Variants in KIF23 observed in about 807,000 individuals in gnomAD.
The protein encoded by KIF23 is kinesin family member 23, also known as kinesin-like protein KIF23.
KIF23 carries 30 observed loss-of-function variants against 137.5 expected under a neutral mutation model. The observed-to-expected ratio is 0.22, with a 90% CI of 0.16 to 0.30. KIF23 has a LOEUF of 0.30. Among genes scored for constraint, KIF23 ranks in the 10% least tolerant of loss-of-function variants. The pLI is 1.00. For missense variants in KIF23, 920 were observed against 1,194.3 expected, an observed-to-expected ratio of 0.77 and a Z score of 3.38; for synonymous variants, 367 against 391.1, an observed-to-expected ratio of 0.94 and a Z score of 0.73.
Position 69,439,924 on chromosome 15 carries a change from A to G in KIF23, c.1776A>G (p.Thr592=), listed in dbSNP as rs2057572921. ...LEYKIEILEK[T]TTIYEEDKRN... is the part of the protein sequence containing the mutation. ...CCTAGATTGAGATTTTAGAGAAAAC[A>G]ACTACTATCTATGAGGAAGATAAAC... The change falls in exon 17 of 24, where the codon ACA becomes ACG. Residue 592 remains threonine (T), a synonymous_variant. Transcript: ENST00000679126. 6.2e-7 allele frequency: 1 copy of G among 1,613,036 alleles called. No homozygotes were observed. Among genetic ancestry groups the G allele is most frequent in the Non-Finnish European group, 8.5e-7 (1 of 1,179,620 alleles).
intron 14 of KIF23, 24 bp from the exon 15 acceptor site, chr15:69,436,540 G>T: frequency 6.3e-7 from 1 of 1,575,024 alleles, no homozygotes; most frequent in Non-Finnish European, 8.6e-7. Context: ...GTAACTTTTT[G>T]TAATTTTCTA....
chr15:69,426,804 G>A (rs2057205161), intron 10 of KIF23: 1 of 225,538 alleles, frequency 4.4e-6, no homozygotes, highest in Non-Finnish European at 8.8e-6. Flanking sequence ...GTATCTGTGA[G>A]TTCTACATCT....
At chr15:69,422,979 A>C (rs2057096460) in intron 6 of KIF23, 180 bp from the exon 7 acceptor site, 1 of 459,112 alleles carries the variant, frequency 2.2e-6, no homozygotes, top group Non-Finnish European at 3.8e-6. Context: ...TTGTATTTTT[A>C]GTAGAGACGG....
chr15:69,427,876 A>G (rs2057243563), intron 10 of KIF23, among the ~76,000 whole-genome samples: 1 of 152,196 alleles, frequency 6.6e-6, no homozygotes, highest in South Asian at 2.1e-4. Context: ...CCTCCTTATA[A>G]GGTTGTGAGA....
chr15:69,446,118 T>TA, intron 21 of KIF23, 27 bp downstream of exon 21: 6 of 1,590,368 alleles, frequency 3.8e-6, no homozygotes, highest in Non-Finnish European at 5.2e-6. Context: ...AATCTCTGTA[T>TA]AAAAGTTGGT....
intron 13 of KIF23, 148 bp from the exon 14 acceptor site, chr15:69,435,990 G>A (rs2057468281): frequency 3.4e-6 from 4 of 1,173,126 alleles, no homozygotes; most frequent in Middle Eastern, 2.8e-4. Flanking sequence ...GGTCGAAGCT[G>A]CAGTGAGTCG....
chr15:69,444,632 G>A lies in KIF23; in HGVS notation c.2422-158G>A, dbSNP rs2057703383. 4 of 697,012 alleles carry A rather than the reference G, an allele frequency of 5.7e-6. No homozygotes were observed. Among genetic ancestry groups the A allele is most frequent in the Admixed American group, 6.4e-5 (2 of 31,372 alleles). The allele number at this position is 697,012 out of a possible 1,614,324, so 43.2% of individuals were successfully genotyped here. A position where few individuals can be genotyped will look rare whatever the true frequency, so the allele number is the denominator to read the frequency against. On this transcript the variant is annotated intron_variant, in intron 19 of 23. Transcript: ENST00000679126. The surrounding 1 kb of genome is among the most constrained non-coding windows in gnomAD (Gnocchi z 4.2). ...AAGTTGGTGTTAAAGATGTTTGTTG[G>A]TTTTGTGTTTAAATGCAAAGATCAT...
Position 69,447,987 on chromosome 15 carries a change from AG to A in KIF23, c.*181del. 1 of 471,490 alleles carries A rather than the reference AG, an allele frequency of 2.1e-6. No individual in the cohort carries two copies. Among genetic ancestry groups the A allele is most frequent in the Non-Finnish European group, 3.8e-6 (1 of 263,646 alleles). The allele number at this position is 471,490 out of a possible 1,614,324, so 29.2% of individuals were successfully genotyped here. ...TTTCCCTATGGTTCCAAAGACAACTAGTATTCAACAAACCTTGTATAGTATA... is the reference window on the plus strand; with the variant it reads ...TTTCCCTATGGTTCCAAAGACAACTATATTCAACAAACCTTGTATAGTATA... On this transcript the variant is annotated 3_prime_UTR_variant, in exon 24 of 24. Transcript: ENST00000679126.
At chr15:69,419,042 AG>A (rs2140315453) in intron 3 of KIF23, among the ~76,000 whole-genome samples, 1 of 152,282 alleles carries the variant, frequency 6.6e-6, no homozygotes, top group South Asian at 2.1e-4. Context: ...ACTTGAACCC[AG>A]GAGGCGGAGG....
intron 22 of KIF23, 134 bp downstream of exon 22, chr15:69,446,498 C>T: frequency 1.5e-6 from 1 of 675,422 alleles, no homozygotes; most frequent in East Asian, 2.7e-5. Flanking sequence ...CCATGTAGGC[C>T]TATTCCTAGA....
At position 69,444,791 on chromosome 15, in the gene KIF23, T is replaced by C; in HGVS notation, c.2423T>C (p.Leu808Ser). ...IEIEEDHCGRLLFQPDQNAPP... is the reference protein window; with the variant it reads ...IEIEEDHCGRSLFQPDQNAPP... ...TTCTGGGTTATGCTTGTTTCTCAGT[T>C]ACTCTTTCAACCTGATCAGAACGCA... The change falls in exon 20 of 24, where the codon TTA becomes TCA. Residue 808 changes from leucine to serine, a missense_variant and splice_region_variant. Transcript: ENST00000679126. The surrounding 1 kb of genome is among the most constrained non-coding windows in gnomAD (Gnocchi z 4.2). 1 of 1,613,012 alleles carries C rather than the reference T, an allele frequency of 6.2e-7. No individual in the cohort carries two copies. Among genetic ancestry groups the C allele is most frequent in the East Asian group, 2.2e-5 (1 of 44,858 alleles).
chr15:69,439,441 A>C (rs1051541443), intron 16 of KIF23, among the ~76,000 whole-genome samples: 3 of 152,194 alleles, frequency 2.0e-5, no homozygotes, highest in Non-Finnish European at 4.4e-5. Flanking sequence ...CGATTGTAAA[A>C]GTATAAACTC....
chr15:69,445,463 T>G (rs540052457), intron 20 of KIF23, among the ~76,000 whole-genome samples: 16 of 152,218 alleles, frequency 1.1e-4, no homozygotes, highest in African/African-American at 3.9e-4. Flanking sequence ...CCTAAAGCCG[T>G]TTTCCAGAAA....
chr15:69,434,693 C>T lies in KIF23; in HGVS notation c.1115-790C>T. 3 of 1,466,670 alleles carry T rather than the reference C, an allele frequency of 2.0e-6. No individual in the cohort carries two copies. The South Asian group carries it at 3.5e-5, about 17-fold the overall frequency. The allele number at this position is 1,466,670 out of a possible 1,614,324, so 90.9% of individuals were successfully genotyped here. The stretch of plus-strand genomic sequence containing the variant: ...TCTTGAGTTCGCCGTTGACCTTGAG[C>T]CAGAGCCTCAGATTGGGAGGATCAG... On this transcript the variant is annotated intron_variant, in intron 11 of 23. Transcript: ENST00000679126.
At position 69,421,627 on chromosome 15, in the gene KIF23, A is replaced by G. The variant is rs2057058057; in HGVS notation, c.211-20A>G. The G allele has an allele frequency of 6.8e-7, 1 of 1,479,960 alleles. No individual in the cohort carries two copies. Among genetic ancestry groups the G allele is most frequent in the African/African-American group, 1.4e-5 (1 of 72,004 alleles). 91.7% of individuals were successfully genotyped at this position (1,479,960 alleles called of 1,614,324 possible). A position where few individuals can be genotyped will look rare whatever the true frequency, so the allele number is the denominator to read the frequency against. ...ATAATAGTGGAATTCTATTTAGTGC[A>G]TTTTTTTCTCTCTCCACAGACTCAG... is the stretch of plus-strand genomic sequence containing the variant. On this transcript the variant is annotated intron_variant, in intron 3 of 23. Transcript: ENST00000679126.
chr15:69,421,878 G>A (rs1567059554), intron 4 of KIF23, 114 bp from the exon 5 acceptor site: 6 of 1,361,740 alleles, frequency 4.4e-6, no homozygotes, highest in Non-Finnish European at 6.1e-6. Flanking sequence ...TTAGGGTGGT[G>A]CTAAACTTGC....
rs2057488128 is a variant in KIF23, at chr15:69,436,614, T to C, written c.1489T>C (p.Cys497Arg). ...VLQSFPPLPS[C>R]EILDINDEQT... ...GCAGAGTTTTCCACCTTTGCCATCA[T>C]GCGAAATTTTGGATATCAACGATGA... is the stretch of plus-strand genomic sequence containing the variant. Residue 497 changes from cysteine to arginine, a missense_variant, in exon 15 of 24, where the codon TGC (cysteine) becomes CGC (arginine). Coordinates refer to ENST00000679126, the MANE Select transcript of KIF23 (RefSeq NM_001367805.3). 6.8e-6 allele frequency: 11 copies of C among 1,612,850 alleles called. No individual in the cohort carries two copies. Among genetic ancestry groups the C allele is most frequent in the East Asian group, 2.2e-5 (1 of 44,856 alleles).
At chr15:69,430,521 C>T (rs2140357585) in intron 11 of KIF23, among the ~76,000 whole-genome samples, 1 of 152,180 alleles carries the variant, frequency 6.6e-6, no homozygotes, top group East Asian at 1.9e-4. Flanking sequence ...GGTAGGGCTG[C>T]CTAAACCAAT....
At chr15:69,436,504 G>T (rs1238045447) in intron 14 of KIF23, 60 bp from the exon 15 acceptor site, 1 of 1,451,232 alleles carries the variant, frequency 6.9e-7, no homozygotes, top group East Asian at 2.3e-5. Context: ...TGTTAAACTT[G>T]TTTAAATAAG....
Sources: gnomAD v4.1 joint callset for allele counts (sites outside exome capture counted in the v4.1 genomes callset) on GRCh38, gnomAD v4.1.1 for gene constraint, Gnocchi (gnomAD v3.1) non-coding constraint, MANE v1.5 for transcripts, NCBI Gene and HGNC (gene_info 2026-07-23, HGNC 2026-07-21) for gene names.